SIK3: variants seen among roughly 807,000 people sequenced by gnomAD.
The protein encoded by SIK3 is serine/threonine-protein kinase SIK3.
SIK3 carries 28 observed loss-of-function variants against 144.2 expected under a neutral mutation model. The ratio of observed to expected loss-of-function variants is 0.19; its 90% CI spans 0.14 to 0.27. The LOEUF (loss-of-function observed/expected upper bound fraction) is 0.27, where lower values mean the gene tolerates loss of function less well. Among genes scored for constraint, SIK3 ranks in the 10% least tolerant of loss-of-function variants. The pLI, the probability that SIK3 is intolerant of heterozygous loss-of-function variation, is 1.00. For synonymous variants in SIK3, 686 were observed against 676.3 expected (o/e 1.01, Z -0.22); for missense variants, 1,319 against 1,776.0 (o/e 0.74, Z 4.62).
At chr11:117,078,842 G>A (rs573425466) in intron 1 of SIK3, among the ~76,000 whole-genome samples, 1 of 152,016 alleles carries the variant, frequency 6.6e-6, no homozygotes, top group African/African-American at 2.4e-5. Flanking sequence ...CAATCATCTC[G>A]ATACCTTTTC....
intron 1 of SIK3, among the ~76,000 whole-genome samples, chr11:117,071,164 C>A (rs1954260386): frequency 6.8e-6 from 1 of 147,528 alleles, no homozygotes. Flanking sequence ...AGACTGAAAT[C>A]AAAACCTTTG....
chr11:116,868,249 G>A (rs1005075538), intron 14 of SIK3, among the ~76,000 whole-genome samples, 160 bp from the exon 15 acceptor site: 5 of 152,242 alleles, frequency 3.3e-5, no homozygotes, highest in African/African-American at 4.8e-5. Context: ...AGTGAGACAC[G>A]TCTAACTGGC....
At chr11:117,036,041 GC>G in intron 1 of SIK3, 1 of 1,309,484 alleles carries the variant, frequency 7.6e-7, no homozygotes, top group Non-Finnish European at 1.1e-6. Flanking sequence ...GAGACCCTTT[GC>G]AAGAGGCATG....
At chr11:117,071,721 A>G (rs913824558) in intron 1 of SIK3, among the ~76,000 whole-genome samples, 5 of 151,706 alleles carry the variant, frequency 3.3e-5, no homozygotes, top group Admixed American at 2.0e-4. Flanking sequence ...GGCTCAAGCA[A>G]TCCTCTCACT....
At chr11:116,998,674 A>G (rs910021769) in intron 1 of SIK3, among the ~76,000 whole-genome samples, 1 of 152,178 alleles carries the variant, frequency 6.6e-6, no homozygotes, top group Non-Finnish European at 1.5e-5. Flanking sequence ...CCATTTCCTC[A>G]ACCAACTTTA....
intron 1 of SIK3, among the ~76,000 whole-genome samples, chr11:117,005,336 G>GAAAAAAAAAAAA (rs35279676): frequency 9.3e-4 from 52 of 55,940 alleles, no homozygotes; most frequent in Non-Finnish European, 1.3e-3. Context: ...CCCCGTCTCA[G>GAAAAAAAAAAAA]AAAAAAAAAA....
chr11:116,953,051 T>C (rs1949002741), intron 3 of SIK3, among the ~76,000 whole-genome samples: 1 of 152,086 alleles, frequency 6.6e-6, no homozygotes, highest in Non-Finnish European at 1.5e-5. Flanking sequence ...ACCCTAAAGA[T>C]ACTTTGACAC....
Position 116,965,934 on chromosome 11 carries a change from C to CA in SIK3, c.274-8871dup, listed in dbSNP as rs953982532. Among the ~76,000 whole-genome samples, 316 of 124,104 alleles carry CA rather than the reference C, an allele frequency of 2.5e-3. 1 individual carries two copies. The highest frequency in any genetic ancestry group is 5.1e-3 in the Admixed American group (62 of 12,204). The allele number at this position is 124,104 out of a possible 152,430, so 81.4% of individuals were successfully genotyped here. A position where few individuals can be genotyped will look rare whatever the true frequency, so the allele number is the denominator to read the frequency against. On this transcript the variant is annotated intron_variant, in intron 1 of 24. Coordinates refer to ENST00000445177, the MANE Select transcript of SIK3 (RefSeq NM_001366686.3). Reference sequence around the variant, plus strand: ...TGGGTGACAGAGCAAGACTCCGTCTCAAAAAAAAAAAGAGGGAAGAGCAGG... The same window carrying CA: ...TGGGTGACAGAGCAAGACTCCGTCTCAAAAAAAAAAAAGAGGGAAGAGCAGG...
chr11:117,090,520 A>G (rs1206443106), intron 1 of SIK3, among the ~76,000 whole-genome samples: 1 of 152,202 alleles, frequency 6.6e-6, no homozygotes, highest in Non-Finnish European at 1.5e-5. Context: ...AGTGTTAGTC[A>G]TTTAGTAAGT....
intron 1 of SIK3, among the ~76,000 whole-genome samples, chr11:116,979,676 A>G (rs1017127944): frequency 6.6e-6 from 1 of 152,096 alleles, no homozygotes. Flanking sequence ...GCAAGACCTC[A>G]TCTCTACTAA....
chr11:117,026,287 G>C (rs963508861), intron 1 of SIK3, among the ~76,000 whole-genome samples: 1 of 152,176 alleles, frequency 6.6e-6, no homozygotes, highest in Admixed American at 6.5e-5. Flanking sequence ...CATAGCCCTA[G>C]GTGGGTAGTA....
At chr11:116,949,099 CAAAGCA>C (rs1948809689) in intron 3 of SIK3, among the ~76,000 whole-genome samples, 1 of 149,924 alleles carries the variant, frequency 6.7e-6, no homozygotes, top group African/African-American at 2.5e-5. Context: ...GATATGCAGC[CAAAGCA>C]TGCTTAGAGA....
In SIK3 at chr11:117,022,995, G is replaced by A. The variant is rs144196978; in HGVS notation, c.274-65931C>T. On this transcript the variant is annotated intron_variant, in intron 1 of 24. Transcript: ENST00000445177. Reference sequence around the variant, plus strand: ...ATATAATAAAAATACCTTTACTCTGGAAGCAAAAAGAGTTCCTTCTTGATA... The same window carrying A: ...ATATAATAAAAATACCTTTACTCTGAAAGCAAAAAGAGTTCCTTCTTGATA... Among the ~76,000 whole-genome samples, 285 of 152,190 alleles carry A rather than the reference G, an allele frequency of 1.9e-3. 2 individuals carry two copies. Among genetic ancestry groups the A allele is most frequent in the African/African-American group, 6.4e-3 (267 of 41,522 alleles).
intron 4 of SIK3, among the ~76,000 whole-genome samples, chr11:116,907,077 A>G (rs1360568457): frequency 6.6e-6 from 1 of 152,218 alleles, no homozygotes; most frequent in African/African-American, 2.4e-5. Flanking sequence ...AGTATTAAAC[A>G]GTTGTTTTTC....
chr11:116,900,871 T>A (rs962401085), intron 4 of SIK3, among the ~76,000 whole-genome samples: 3 of 151,470 alleles, frequency 2.0e-5, no homozygotes, highest in African/African-American at 4.8e-5. Context: ...ATTTATTTTT[T>A]TTTTTTTTTT....
chr11:116,901,576 T>A (rs1945742645), intron 4 of SIK3, among the ~76,000 whole-genome samples: 1 of 152,220 alleles, frequency 6.6e-6, no homozygotes, highest in Non-Finnish European at 1.5e-5. Flanking sequence ...CTGGATCCCC[T>A]ACAAGAAATG....
intron 15 of SIK3, among the ~76,000 whole-genome samples, chr11:116,866,589 C>T (rs1367404373): frequency 2.6e-5 from 4 of 152,102 alleles, no homozygotes; most frequent in African/African-American, 9.7e-5. Flanking sequence ...CTACAGACGC[C>T]CACCGCCACA....
At chr11:117,061,054 C>T (rs942129277) in intron 1 of SIK3, among the ~76,000 whole-genome samples, 13 of 152,084 alleles carry the variant, frequency 8.5e-5, no homozygotes, top group African/African-American at 3.1e-4. Flanking sequence ...TGAGACCAGG[C>T]AGGGCTAACA....
chr11:116,971,157 C>T (rs1054046485), intron 1 of SIK3, among the ~76,000 whole-genome samples: 2 of 152,230 alleles, frequency 1.3e-5, no homozygotes, highest in African/African-American at 4.8e-5. Context: ...ATGTTTCCCA[C>T]TGTTAAAACT....
Sources: gnomAD v4.1 joint callset for allele counts (sites outside exome capture counted in the v4.1 genomes callset) on GRCh38, gnomAD v4.1.1 for gene constraint, MANE v1.5 for transcripts, NCBI Gene and HGNC (gene_info 2026-07-23, HGNC 2026-07-21) for gene names.